Variants in RO60 observed in about 807,000 individuals in gnomAD.
The protein encoded by RO60 is RNA-binding protein RO60.
RO60 carries 20 observed loss-of-function variants against 55.3 expected under a neutral mutation model. The ratio of observed to expected loss-of-function variants is 0.36; its 90% confidence interval spans 0.25 to 0.53. The LOEUF (loss-of-function observed/expected upper bound fraction) is 0.53, where lower values mean the gene tolerates loss of function less well. RO60 is among the 20% of genes least tolerant of loss of function. The pLI, the probability that RO60 is intolerant of heterozygous loss-of-function variation, is 0.92. For missense variants in RO60, 558 were observed against 646.6 expected (o/e 0.86, Z 1.49); for synonymous variants, 213 against 213.6 (o/e 1.00, Z 0.02).
intron 1 of RO60, among the ~76,000 whole-genome samples, chr1:193,060,522 A>G (rs76443513): frequency 1.3e-5 from 2 of 152,118 alleles, no homozygotes; most frequent in African/African-American, 4.8e-5. Flanking sequence ...GAAAAAAAAA[A>G]TGTTTTAGTG....
intron 2 of RO60, among the ~76,000 whole-genome samples, chr1:193,071,639 G>A (rs921599056): frequency 3.3e-5 from 5 of 151,610 alleles, no homozygotes; most frequent in Non-Finnish European, 7.4e-5. Flanking sequence ...CTTAACTGTT[G>A]TCATTATTTT....
chr1:193,070,112 T>C lies in RO60; in HGVS notation c.580+478T>C, dbSNP rs148424929. ...TTCCTTAAGATTATGTATAGAAAAC[T>C]ACTCTGTAACCAATAAAATGCTAAG... On this transcript the variant is annotated intron_variant, in intron 2 of 8. Transcript: ENST00000400968. 2.7e-5 allele frequency among the ~76,000 whole-genome samples: 4 copies of C among 148,200 alleles called. No individual in the cohort carries two copies. The East Asian group carries it at 8.0e-4, about 29-fold the overall frequency.
chr1:193,074,213 T>C (rs1363393041), intron 2 of RO60, among the ~76,000 whole-genome samples: 1 of 152,224 alleles, frequency 6.6e-6, no homozygotes, highest in East Asian at 1.9e-4. Flanking sequence ...GCATGTGTCT[T>C]TATAGCAGCA....
At position 193,087,997 on chromosome 1, in the gene RO60, T is replaced by C. The variant is rs903552985; in HGVS notation, c.*3266T>C. The stretch of plus-strand genomic sequence containing the variant: ...CAGACCTAGAAAAACAAGCTTATAC[T>C]CTGAGGAAATGCTGTTAACAAACTT... On this transcript the variant is annotated 3_prime_UTR_variant, in exon 9 of 9. Transcript: ENST00000400968. The C allele has an allele frequency of 6.6e-6, 1 of 151,786 alleles. No individual in the cohort carries two copies. The highest frequency in any genetic ancestry group is 6.6e-5 in the Admixed American group (1 of 15,228). 9.4% of individuals were successfully genotyped at this position (151,786 alleles called of 1,614,324 possible). A position where few individuals can be genotyped will look rare whatever the true frequency, so the allele number is the denominator to read the frequency against.
At chr1:193,068,983 G>T in intron 1 of RO60, 51 bp from the exon 2 acceptor site, 1 of 1,230,222 alleles carries the variant, frequency 8.1e-7, no homozygotes, top group South Asian at 1.5e-5. Flanking sequence ...TTTTCCTTTT[G>T]TAATTTTATT....
chr1:193,091,711 T>TGAAGTGG, downstream of RO60: 1 of 1,603,346 alleles, frequency 6.2e-7, no homozygotes, highest in Non-Finnish European at 8.5e-7. Flanking sequence ...GGACACTGTG[T>TGAAGTGG]GAACTGTTTT....
At chr1:193,074,781 T>C (rs948429397) in intron 2 of RO60, among the ~76,000 whole-genome samples, 12 of 152,248 alleles carry the variant, frequency 7.9e-5, no homozygotes, top group South Asian at 2.1e-4. Context: ...CCATTGCTTT[T>C]GGTGTTTTAG....
At chr1:193,080,676 C>A (rs918831291) in intron 5 of RO60, among the ~76,000 whole-genome samples, 1 of 152,082 alleles carries the variant, frequency 6.6e-6, no homozygotes, top group Admixed American at 6.6e-5. Flanking sequence ...GAATATTATT[C>A]AGCCTTAGAA....
chr1:193,060,136 C>T (rs1198968764), intron 1 of RO60: 1 of 1,189,668 alleles, frequency 8.4e-7, no homozygotes, highest in East Asian at 5.8e-5. Flanking sequence ...GGAGAGGCGT[C>T]GCCCGGGATC....
intron 1 of RO60, among the ~76,000 whole-genome samples, chr1:193,062,417 A>G (rs779418618): frequency 2.4e-4 from 37 of 152,272 alleles, no homozygotes; most frequent in Non-Finnish European, 4.3e-4. Context: ...GGTGCTCTCC[A>G]TTCTGATATA....
At chr1:193,060,512 GA>G (rs971959996) in intron 1 of RO60, among the ~76,000 whole-genome samples, 1 of 148,984 alleles carries the variant, frequency 6.7e-6, no homozygotes, top group Admixed American at 6.7e-5. Flanking sequence ...TTGGCTTCCA[GA>G]AAAAAAAAAT....
At chr1:193,070,225 C>A (rs944050874) in intron 2 of RO60, among the ~76,000 whole-genome samples, 2 of 152,060 alleles carry the variant, frequency 1.3e-5, no homozygotes, top group Non-Finnish European at 2.9e-5. Flanking sequence ...GTACCCACTG[C>A]TCTAGCCCAT....
intron 1 of RO60, among the ~76,000 whole-genome samples, chr1:193,062,058 A>T (rs1304496348): frequency 6.6e-6 from 1 of 151,992 alleles, no homozygotes; most frequent in Non-Finnish European, 1.5e-5. Context: ...AACTTAATTT[A>T]TAGAGATTTA....
chr1:193,061,157 T>C (rs969862722), intron 1 of RO60, among the ~76,000 whole-genome samples: 1 of 152,198 alleles, frequency 6.6e-6, no homozygotes, highest in African/African-American at 2.4e-5. Flanking sequence ...AAATGAGATC[T>C]GGCAACTACT....
chr1:193,080,375 C>T (rs1674226770), intron 5 of RO60, among the ~76,000 whole-genome samples: 1 of 152,178 alleles, frequency 6.6e-6, no homozygotes, highest in African/African-American at 2.4e-5. Flanking sequence ...AAAGGTTAAA[C>T]GTAGAATTAC....
Position 193,078,700 on chromosome 1 carries a change from A to G in RO60, c.1086+1650A>G, listed in dbSNP as rs539763845. On this transcript the variant is annotated intron_variant, in intron 5 of 8. Transcript: ENST00000400968. ...GTAAGACTTATACACTGAGAACTAC[A>G]AAACATTGCTAAAAGAAATTAAGTC... Among the ~76,000 whole-genome samples, 17 of 152,332 alleles carry G rather than the reference A, an allele frequency of 1.1e-4. 1 individual carries two copies. The South Asian group carries it at 3.5e-3, about 32-fold the overall frequency.
rs758552521 is a variant in RO60 at position 193,076,528 on chromosome 1, C to A, written c.829C>A (p.Pro277Thr). ...EVWKALLQEM[P>T]LTALLRNLGK... ...ATGGAAGGCTTTGTTACAAGAAATG[C>A]CGCTTACTGCATTACTAAGGAATCT... The change falls in exon 4 of 9, where the codon CCG becomes ACG. Residue 277 changes from proline (P) to threonine (T), a missense_variant. Coordinates refer to ENST00000400968, the MANE Select transcript of RO60 (RefSeq NM_001173524.2). 1 of 1,611,022 alleles carries A rather than the reference C, an allele frequency of 6.2e-7. No homozygotes were observed. The highest frequency in any genetic ancestry group is 8.5e-7 in the Non-Finnish European group (1 of 1,178,998).
At chr1:193,080,588 A>G (rs910066568) in intron 5 of RO60, among the ~76,000 whole-genome samples, 34 of 152,210 alleles carry the variant, frequency 2.2e-4, no homozygotes, top group African/African-American at 7.7e-4. Flanking sequence ...TTGCTAGTAT[A>G]TAGAAATACA....
chr1:193,077,809 A>G (rs1674031423), intron 5 of RO60, among the ~76,000 whole-genome samples: 1 of 152,202 alleles, frequency 6.6e-6, no homozygotes, highest in Non-Finnish European at 1.5e-5. Flanking sequence ...TACAGTGAAC[A>G]TAAGATTGGT....
Sources: gnomAD v4.1 joint callset for allele counts (sites outside exome capture counted in the v4.1 genomes callset) on GRCh38, gnomAD v4.1.1 for gene constraint, MANE v1.5 for transcripts, NCBI Gene and HGNC (gene_info 2026-07-23, HGNC 2026-07-21) for gene names.